TNR: variants seen among roughly 807,000 people sequenced by gnomAD.
TNR encodes the protein tenascin R.
Under a neutral mutation model 150.4 loss-of-function variants are expected in TNR, and 45 were observed. The observed-to-expected ratio is 0.30, with a 90% CI of 0.24 to 0.38. The LOEUF (loss-of-function observed/expected upper bound fraction) is 0.38. TNR is among the 10% of genes least tolerant of loss of function. The pLI is 1.00. For synonymous variants in TNR, 687 were observed against 678.4 expected, an observed-to-expected ratio of 1.01 and a Z score of -0.20; for missense variants, 1,544 against 1,759.1, an observed-to-expected ratio of 0.88 and a Z score of 2.19.
chr1:175,532,227 A>G (rs1660098847), intron 1 of TNR, among the ~76,000 whole-genome samples: 1 of 152,244 alleles, frequency 6.6e-6, no homozygotes, highest in African/African-American at 2.4e-5. Context: ...AAGATTGCCC[A>G]ATACCCCAAA....
chr1:175,446,319 C>G (rs1322624555), intron 2 of TNR, among the ~76,000 whole-genome samples: 1 of 152,200 alleles, frequency 6.6e-6, no homozygotes, highest in African/African-American at 2.4e-5. Flanking sequence ...ATCCTTGGGT[C>G]AGAAGCGGGG....
intron 1 of TNR, among the ~76,000 whole-genome samples, chr1:175,609,298 C>T (rs897232265): frequency 5.9e-5 from 9 of 152,190 alleles, no homozygotes; most frequent in African/African-American, 2.2e-4. Flanking sequence ...AGAATGTATA[C>T]ATATATACAT....
At chr1:175,612,489 A>C (rs1385428865) in intron 1 of TNR, among the ~76,000 whole-genome samples, 4 of 152,180 alleles carry the variant, frequency 2.6e-5, no homozygotes, top group African/African-American at 9.7e-5. Context: ...GGCATCAGTC[A>C]ATGGGTCAGG....
intron 4 of TNR, 67 bp from the exon 5 acceptor site, chr1:175,396,874 T>C: frequency 1.3e-6 from 2 of 1,559,394 alleles, no homozygotes; most frequent in Non-Finnish European, 1.7e-6. Flanking sequence ...GGACTCAACT[T>C]TCTTCCTCAC....
chr1:175,415,378 G>A (rs777572894), intron 2 of TNR, among the ~76,000 whole-genome samples: 3 of 152,174 alleles, frequency 2.0e-5, no homozygotes, highest in Non-Finnish European at 4.4e-5. Context: ...AAAAGAACCC[G>A]AGGGCAGAAA....
chr1:175,726,170 C>T (rs1667472953), intron 1 of TNR, among the ~76,000 whole-genome samples: 1 of 152,078 alleles, frequency 6.6e-6, no homozygotes, highest in South Asian at 2.1e-4. Context: ...AAGTACCAGT[C>T]CTCAAGAACA....
chr1:175,371,009 T>C lies in TNR; in HGVS notation c.1964-3712A>G, dbSNP rs16848349. Among the ~76,000 whole-genome samples the C allele has an allele frequency of 6.4e-3, 981 of 152,156 alleles. 10 individuals carry two copies. Among genetic ancestry groups the C allele is most frequent in the African/African-American group, 0.022 (925 of 41,492 alleles). ...GCTTTCCTTTGATTTTCAGCAGCTT[T>C]CTTCCATGCTACAAGTGAATTGTTG... On this transcript the variant is annotated intron_variant, in intron 9 of 22. Coordinates refer to ENST00000367674, the MANE Select transcript of TNR (RefSeq NM_003285.3).
intron 8 of TNR, among the ~76,000 whole-genome samples, chr1:175,385,138 C>T (rs532976422): frequency 6.6e-6 from 1 of 152,324 alleles, no homozygotes; most frequent in African/African-American, 2.4e-5. Flanking sequence ...TATTATTTGA[C>T]ATGTGACCAC....
At chr1:175,508,118 G>T (rs887224999) in intron 2 of TNR, among the ~76,000 whole-genome samples, 1 of 152,028 alleles carries the variant, frequency 6.6e-6, no homozygotes, top group Non-Finnish European at 1.5e-5. Flanking sequence ...CGCGGGGTGG[G>T]GGCAAGGGAA....
In TNR at chr1:175,479,265, C is replaced by A. The variant is rs1040656316; in HGVS notation, c.-64+49004G>T. Among the ~76,000 whole-genome samples the A allele has an allele frequency of 2.0e-5, 3 of 152,348 alleles. No homozygotes were observed. The South Asian group carries it at 6.2e-4, about 32-fold the overall frequency. Reference sequence around the variant, plus strand: ...GACACTCTCTCCACTGATGGTCTAACTCTGGTTTCCTTGAGCAATTTGGGA... The same window carrying A: ...GACACTCTCTCCACTGATGGTCTAAATCTGGTTTCCTTGAGCAATTTGGGA... On this transcript the variant is annotated intron_variant, in intron 2 of 22. Transcript: ENST00000367674.
At chr1:175,367,585 C>G (rs998604941) in intron 9 of TNR, among the ~76,000 whole-genome samples, 1 of 152,162 alleles carries the variant, frequency 6.6e-6, no homozygotes, top group African/African-American at 2.4e-5. Context: ...CATAAGTATA[C>G]AAGGACTCCT....
intron 2 of TNR, among the ~76,000 whole-genome samples, chr1:175,423,906 G>T (rs1271220971): frequency 2.0e-5 from 3 of 152,210 alleles, no homozygotes; most frequent in Non-Finnish European, 4.4e-5. Context: ...AGTTCCAGGG[G>T]TCTGGATGTG....
chr1:175,414,992 T>C (rs1654372735), intron 2 of TNR, among the ~76,000 whole-genome samples: 1 of 150,974 alleles, frequency 6.6e-6, no homozygotes, highest in Admixed American at 6.6e-5. Flanking sequence ...GTGAAGGTTG[T>C]TGGGCAGGGA....
intron 1 of TNR, among the ~76,000 whole-genome samples, chr1:175,583,246 A>G (rs1211009896): frequency 6.6e-6 from 1 of 152,136 alleles, no homozygotes; most frequent in Non-Finnish European, 1.5e-5. Flanking sequence ...GAAATCCAGG[A>G]GACCTTCCAG....
At chr1:175,423,204 T>C (rs1654830626) in intron 2 of TNR, among the ~76,000 whole-genome samples, 1 of 152,206 alleles carries the variant, frequency 6.6e-6, no homozygotes, top group Admixed American at 6.5e-5. Context: ...ATACATCAAA[T>C]ATAAAGAAGC....
At chr1:175,339,468 G>A (rs1038189671) in intron 18 of TNR, among the ~76,000 whole-genome samples, 1 of 152,162 alleles carries the variant, frequency 6.6e-6, no homozygotes, top group African/African-American at 2.4e-5. Context: ...ACCCCTAGAG[G>A]CTACAGTTAC....
At chr1:175,634,637 G>A (rs537156051) in intron 1 of TNR, among the ~76,000 whole-genome samples, 1 of 152,096 alleles carries the variant, frequency 6.6e-6, no homozygotes, top group East Asian at 1.9e-4. Flanking sequence ...TATTAGAGTT[G>A]GAAGGGCCCT....
intron 1 of TNR, among the ~76,000 whole-genome samples, chr1:175,653,740 T>C: frequency 6.6e-6 from 1 of 152,252 alleles, no homozygotes; most frequent in African/African-American, 2.4e-5. Flanking sequence ...GGCACTGTAT[T>C]GTTCAATACA....
chr1:175,633,793 G>A (rs1302826024), intron 1 of TNR, among the ~76,000 whole-genome samples: 1 of 152,174 alleles, frequency 6.6e-6, no homozygotes, highest in African/African-American at 2.4e-5. Context: ...GTCTCAGAAT[G>A]GGAGAGGTGG....
Sources: allele counts gnomAD v4.1 joint callset (sites outside exome capture counted in the v4.1 genomes callset), GRCh38; gene constraint gnomAD v4.1.1; transcripts MANE v1.5; gene names NCBI Gene and HGNC (gene_info 2026-07-23, HGNC 2026-07-21).